SCHIP1: variants seen among roughly 807,000 people sequenced by gnomAD.
The protein encoded by SCHIP1 is schwannomin interacting protein 1.
Under a neutral mutation model 29.7 loss-of-function variants are expected in SCHIP1, and 8 were observed. That is an observed-to-expected ratio of 0.27 (90% CI 0.16 to 0.49). SCHIP1 has a LOEUF of 0.49. SCHIP1 is among the 20% of genes least tolerant of loss of function. The pLI is 0.99. For synonymous variants in SCHIP1, 76 were observed against 94.9 expected, an observed-to-expected ratio of 0.80 and a Z score of 1.16; for missense variants, 193 against 294.6, an observed-to-expected ratio of 0.66 and a Z score of 2.52.
At chr3:159,834,124 G>A in the SCHIP1 span, among the ~76,000 whole-genome samples, 11 of 152,278 alleles carry the variant, frequency 7.2e-5, no homozygotes, top group Non-Finnish European at 1.3e-4. Context: ...ATTTCATCAT[G>A]TTACCATGAG....
chr3:159,626,259 G>T, the SCHIP1 span, among the ~76,000 whole-genome samples: 49 of 103,674 alleles, frequency 4.7e-4, 2 homozygotes, highest in African/African-American at 2.0e-3. Flanking sequence ...TATATAGATA[G>T]ATAGATAGAT....
the SCHIP1 span, among the ~76,000 whole-genome samples, chr3:159,676,588 A>C: frequency 1.3e-5 from 2 of 152,216 alleles, no homozygotes; most frequent in South Asian, 2.1e-4. Context: ...CTTTCAGCAC[A>C]TGGAGTTTCC....
At chr3:159,311,989 T>C in the SCHIP1 span, among the ~76,000 whole-genome samples, 1 of 151,968 alleles carries the variant, frequency 6.6e-6, no homozygotes, top group Non-Finnish European at 1.5e-5. Flanking sequence ...ATACCAAAAA[T>C]CTCAAATACA....
the SCHIP1 span, among the ~76,000 whole-genome samples, chr3:159,687,765 G>A: frequency 3.3e-5 from 5 of 151,970 alleles, no homozygotes; most frequent in African/African-American, 7.3e-5. Flanking sequence ...CTCACTCTCC[G>A]ACAAGCCCCA....
chr3:159,304,030 A>G, the SCHIP1 span, among the ~76,000 whole-genome samples: 3 of 74,990 alleles, frequency 4.0e-5, 1 homozygote, highest in South Asian at 1.6e-3. Context: ...ACCCCACAGC[A>G]GGCCCCAGAG....
At chr3:159,616,690 C>T in the SCHIP1 span, among the ~76,000 whole-genome samples, 1 of 152,098 alleles carries the variant, frequency 6.6e-6, no homozygotes, top group African/African-American at 2.4e-5. Flanking sequence ...TCACAAATAA[C>T]CCCAAAACCT....
chr3:159,462,697 C>T, the SCHIP1 span, among the ~76,000 whole-genome samples: 4 of 152,260 alleles, frequency 2.6e-5, no homozygotes, highest in South Asian at 8.3e-4. Context: ...TGAACTAAAA[C>T]TAAACTTTTC....
chr3:159,595,820 C>A, the SCHIP1 span, among the ~76,000 whole-genome samples: 31,281 of 152,080 alleles, frequency 0.21, 8,758 homozygotes, highest in African/African-American at 0.64. Flanking sequence ...GTCCTCAGAA[C>A]GAACCAAACA....
At chr3:159,594,190 G>A in the SCHIP1 span, among the ~76,000 whole-genome samples, 4 of 152,230 alleles carry the variant, frequency 2.6e-5, no homozygotes, top group Non-Finnish European at 5.9e-5. Flanking sequence ...TTACAAGGCG[G>A]AAGAAATGGC....
At chr3:159,512,515 A>G in the SCHIP1 span, among the ~76,000 whole-genome samples, 1 of 152,196 alleles carries the variant, frequency 6.6e-6, no homozygotes, top group Non-Finnish European at 1.5e-5. Flanking sequence ...GAAAGAATAG[A>G]ATATATAAAT....
chr3:159,718,927 C>T, the SCHIP1 span, among the ~76,000 whole-genome samples: 1 of 152,170 alleles, frequency 6.6e-6, no homozygotes, highest in South Asian at 2.1e-4. Flanking sequence ...ATTGCCAAGA[C>T]AATCCTAAGC....
At chr3:159,289,406 CTTATTTATTTAT>C in the SCHIP1 span, among the ~76,000 whole-genome samples, 986 of 150,208 alleles carry the variant, frequency 6.6e-3, 6 homozygotes, top group African/African-American at 0.02. Flanking sequence ...ACATAAAGCT[CTTATTTATTTAT>C]TTATTTATTT....
At chr3:159,524,604 C>A in the SCHIP1 span, among the ~76,000 whole-genome samples, 2 of 152,194 alleles carry the variant, frequency 1.3e-5, no homozygotes, top group African/African-American at 4.8e-5. Flanking sequence ...CATTTTACCC[C>A]ATAGACATAT....
At chr3:159,574,139 A>T in the SCHIP1 span, among the ~76,000 whole-genome samples, 1 of 152,230 alleles carries the variant, frequency 6.6e-6, no homozygotes, top group Non-Finnish European at 1.5e-5. Flanking sequence ...TTCTCCATCC[A>T]GCTTTGTTCC....
chr3:159,521,004 G>T, the SCHIP1 span, among the ~76,000 whole-genome samples: 1 of 152,174 alleles, frequency 6.6e-6, no homozygotes, highest in Non-Finnish European at 1.5e-5. Flanking sequence ...TAAATTTATA[G>T]AAGTGTAAAT....
At chr3:159,867,908 A>G (rs1355045855) in intron 2 of SCHIP1, among the ~76,000 whole-genome samples, 9 of 151,268 alleles carry the variant, frequency 5.9e-5, no homozygotes, top group Non-Finnish European at 1.3e-4. Context: ...TAGAAGCCCA[A>G]TCTCTCTGTT....
At chr3:159,760,253 C>G in the SCHIP1 span, among the ~76,000 whole-genome samples, 2 of 152,130 alleles carry the variant, frequency 1.3e-5, no homozygotes, top group South Asian at 4.1e-4. Flanking sequence ...GCTGTTCTTG[C>G]CAGATGCCTT....
the SCHIP1 span, among the ~76,000 whole-genome samples, chr3:159,587,619 C>T: frequency 6.6e-6 from 1 of 152,146 alleles, no homozygotes; most frequent in African/African-American, 2.4e-5. Flanking sequence ...TCCCTCCCCC[C>T]TTTCCCCACC....
chr3:159,892,918 A>G (rs1320025952), intron 6 of SCHIP1: 1 of 152,266 alleles, frequency 6.6e-6, no homozygotes, highest in Non-Finnish European at 1.5e-5. Context: ...GACAGTCCAT[A>G]TGGAATCTTT....
Sources: gnomAD v4.1 joint callset for allele counts (sites outside exome capture counted in the v4.1 genomes callset) on GRCh38, gnomAD v4.1.1 for gene constraint, MANE v1.5 for transcripts, NCBI Gene and HGNC (gene_info 2026-07-23, HGNC 2026-07-21) for gene names.